EXOC6: variants seen among roughly 807,000 people sequenced by gnomAD.
EXOC6 encodes SEC15-like 1.
Under a neutral mutation model 112.5 loss-of-function variants are expected in EXOC6, and 60 were observed. The observed-to-expected ratio is 0.53, with a 90% CI of 0.43 to 0.66. The LOEUF is 0.66. EXOC6 is among the 30% of genes least tolerant of loss of function. The pLI is 0.00. For missense variants in EXOC6, 855 were observed against 957.1 expected (o/e 0.89, Z 1.41); for synonymous variants, 295 against 308.0 (o/e 0.96, Z 0.44).
At chr10:93,037,277 C>G (rs1845556082) in intron 20 of EXOC6, among the ~76,000 whole-genome samples, 2 of 150,994 alleles carry the variant, frequency 1.3e-5, no homozygotes, top group South Asian at 4.2e-4. Flanking sequence ...GTAGCTGGGA[C>G]TACAGGTGCA....
intron 6 of EXOC6, among the ~76,000 whole-genome samples, chr10:92,909,907 C>T (rs544220309): frequency 4.6e-5 from 7 of 152,212 alleles, no homozygotes; most frequent in Admixed American, 4.6e-4. Flanking sequence ...TATCCTTTAC[C>T]ACCAGCCAAA....
At position 92,906,984 on chromosome 10, in the gene EXOC6, TA is replaced by T. The variant is rs1167531932; in HGVS notation, c.459-2439del. Among the ~76,000 whole-genome samples the T allele has an allele frequency of 1.1e-4, 17 of 152,334 alleles. No individual in the cohort carries two copies. In the Middle Eastern group the frequency reaches 0.017, roughly 152 times the overall value. On this transcript the variant is annotated intron_variant, in intron 5 of 21. Transcript: ENST00000260762. ...GTTTTTGCTTGCATTTAGAAACAGA[TA>T]AAACATAGGAGATTTGTGGCTAAAT... is the stretch of plus-strand genomic sequence containing the variant.
intron 20 of EXOC6, among the ~76,000 whole-genome samples, chr10:93,052,243 A>G (rs1029865044): frequency 3.3e-5 from 5 of 152,224 alleles, no homozygotes; most frequent in Admixed American, 2.0e-4. Flanking sequence ...GCCTAGATTC[A>G]TTGTGTCATT....
intron 9 of EXOC6, 24 bp from the exon 10 acceptor site, chr10:92,934,120 T>C: frequency 7.2e-7 from 1 of 1,398,266 alleles, no homozygotes; most frequent in Non-Finnish European, 1.0e-6. Flanking sequence ...TTGGTTTAAA[T>C]TGATTTTTAT....
chr10:92,936,935 C>T (rs774372230), intron 12 of EXOC6, among the ~76,000 whole-genome samples: 5 of 152,072 alleles, frequency 3.3e-5, no homozygotes, highest in Non-Finnish European at 4.4e-5. Context: ...GTGGGGTGTA[C>T]ACCCTCTGCG....
intron 12 of EXOC6, 24 bp from the exon 13 acceptor site, chr10:92,940,703 C>CTTT (rs201561143): frequency 7.5e-4 from 924 of 1,229,846 alleles, no homozygotes; most frequent in South Asian, 1.3e-3. Flanking sequence ...TGTTTATCTG[C>CTTT]TTTTTTTTTT....
At chr10:92,925,920 C>A (rs1851689997) in intron 8 of EXOC6, among the ~76,000 whole-genome samples, 1 of 152,010 alleles carries the variant, frequency 6.6e-6, no homozygotes, top group Admixed American at 6.5e-5. Context: ...ATTTCAGCCT[C>A]ATCTTTACTT....
intron 1 of EXOC6, among the ~76,000 whole-genome samples, chr10:92,870,300 G>T (rs1479876631): frequency 6.6e-6 from 1 of 152,064 alleles, no homozygotes; most frequent in Non-Finnish European, 1.5e-5. Context: ...TCATGTTAAG[G>T]AAGTATTCAC....
rs76380252 is a variant in EXOC6 at position 92,854,729 on chromosome 10, C to A, written c.101+6095C>A. Among the ~76,000 whole-genome samples, 437 of 152,142 alleles carry A rather than the reference C, an allele frequency of 2.9e-3. 2 individuals carry two copies. The highest frequency in any genetic ancestry group is 0.01 in the African/African-American group (419 of 41,502). On this transcript the variant is annotated intron_variant, in intron 1 of 21. Transcript: ENST00000260762. ...TTGATCATAGTGCATAAAGTATAAT[C>A]CTTTTTATATGTTGTTGGATTCTGT...
chr10:93,010,043 T>C (rs1192307139), intron 19 of EXOC6, among the ~76,000 whole-genome samples: 1 of 152,174 alleles, frequency 6.6e-6, no homozygotes. Context: ...AGAAACAAAT[T>C]CAGACTCAGG....
chr10:93,017,896 G>C (rs753451518), intron 20 of EXOC6, among the ~76,000 whole-genome samples: 21 of 151,598 alleles, frequency 1.4e-4, no homozygotes, highest in Non-Finnish European at 2.2e-4. Flanking sequence ...TGTAATCCCA[G>C]TTACTCAGGA....
chr10:92,892,510 C>T (rs1849557241), intron 1 of EXOC6, among the ~76,000 whole-genome samples: 1 of 152,224 alleles, frequency 6.6e-6, no homozygotes, highest in African/African-American at 2.4e-5. Context: ...TGACCTCCTG[C>T]CCCTCCACAG....
intron 12 of EXOC6, among the ~76,000 whole-genome samples, chr10:92,936,910 G>T (rs989080282): frequency 6.6e-6 from 1 of 151,998 alleles, no homozygotes; most frequent in African/African-American, 2.4e-5. Flanking sequence ...CTGGATATTT[G>T]GAACAATATC....
In EXOC6 at chr10:93,025,307, A is replaced by G. The variant is rs1242827841; in HGVS notation, c.2169+11040A>G. ...AGACCACTGTGCTTTGGGGCTGTTA[A>G]GACTATGCCTGTGTATTGCATGATG... On this transcript the variant is annotated intron_variant, in intron 20 of 21. Coordinates refer to ENST00000260762, the MANE Select transcript of EXOC6 (RefSeq NM_019053.6). Among the ~76,000 whole-genome samples, 3 of 152,214 alleles carry G rather than the reference A, an allele frequency of 2.0e-5. No homozygotes were observed. The East Asian group carries it at 5.8e-4, about 29-fold the overall frequency.
At chr10:92,885,391 T>G (rs1253782933) in intron 1 of EXOC6, among the ~76,000 whole-genome samples, 3 of 152,080 alleles carry the variant, frequency 2.0e-5, no homozygotes, top group East Asian at 3.9e-4. Flanking sequence ...TCTTTTTTTT[T>G]TTTTTGAGAT....
At chr10:92,871,932 C>T (rs1178217748) in intron 1 of EXOC6, among the ~76,000 whole-genome samples, 2 of 151,758 alleles carry the variant, frequency 1.3e-5, no homozygotes, top group Non-Finnish European at 2.9e-5. Flanking sequence ...TAATTTCAGT[C>T]ATTGTTTTCC....
intron 17 of EXOC6, among the ~76,000 whole-genome samples, chr10:92,972,298 A>G (rs1019134904): frequency 1.3e-5 from 2 of 152,206 alleles, no homozygotes; most frequent in Admixed American, 1.3e-4. Flanking sequence ...GTGAGAAGGA[A>G]TTCAAGGATG....
intron 1 of EXOC6, among the ~76,000 whole-genome samples, chr10:92,887,239 A>G (rs1385632938): frequency 6.6e-6 from 1 of 152,070 alleles, no homozygotes; most frequent in African/African-American, 2.4e-5. Context: ...GTTCTGATAC[A>G]TGTCCACCTT....
intron 13 of EXOC6, among the ~76,000 whole-genome samples, chr10:92,947,173 AT>A (rs1853073593): frequency 6.6e-6 from 1 of 152,216 alleles, no homozygotes; most frequent in Admixed American, 6.5e-5. Flanking sequence ...AATTCCCCAA[AT>A]ATCAGTGGAT....
Sources: allele counts gnomAD v4.1 joint callset (sites outside exome capture counted in the v4.1 genomes callset), GRCh38; gene constraint gnomAD v4.1.1; transcripts MANE v1.5; gene names NCBI Gene and HGNC (gene_info 2026-07-23, HGNC 2026-07-21).